The following RSRC1 variants were observed in gnomAD, a reference collection of about 807,000 sequenced individuals.
RSRC1 encodes the protein arginine and serine rich coiled-coil 1, also known as serine/Arginine-related protein 53.
Under a neutral mutation model 49.1 loss-of-function variants are expected in RSRC1, and 39 were observed. The observed-to-expected ratio is 0.79, with a 90% CI of 0.61 to 1.04. RSRC1 has a LOEUF of 1.04. RSRC1 is among the 50% of genes least tolerant of loss of function. RSRC1 has a pLI of 0.00. For missense variants in RSRC1, 388 were observed against 402.4 expected, an observed-to-expected ratio of 0.96 and a Z score of 0.31; for synonymous variants, 143 against 130.8, an observed-to-expected ratio of 1.09 and a Z score of -0.63.
At chr3:158,278,938 T>A (rs827098) in intron 4 of RSRC1, among the ~76,000 whole-genome samples, 72,428 of 152,044 alleles carry the variant, frequency 0.48, 17,813 homozygotes, top group East Asian at 0.64. Context: ...ATATTATTTT[T>A]AAAAATCAAC....
At chr3:158,160,820 A>G (rs1718169900) in intron 3 of RSRC1, among the ~76,000 whole-genome samples, 1 of 152,180 alleles carries the variant, frequency 6.6e-6, no homozygotes, top group Admixed American at 6.6e-5. Flanking sequence ...TTGTGGAATT[A>G]TGTTATCATC....
At chr3:158,489,324 G>A (rs1445314379) in intron 7 of RSRC1, among the ~76,000 whole-genome samples, 2 of 152,276 alleles carry the variant, frequency 1.3e-5, no homozygotes, top group East Asian at 1.9e-4. Context: ...ATGCAAGCAG[G>A]TTCTTCCAAG....
intron 5 of RSRC1, among the ~76,000 whole-genome samples, chr3:158,345,966 A>G (rs1730532983): frequency 6.6e-6 from 1 of 151,948 alleles, no homozygotes; most frequent in South Asian, 2.1e-4. Flanking sequence ...AGCCATATAT[A>G]GTACCCAAAT....
intron 6 of RSRC1, among the ~76,000 whole-genome samples, chr3:158,444,819 C>A (rs1329767050): frequency 1.3e-5 from 2 of 152,056 alleles, no homozygotes; most frequent in East Asian, 3.9e-4. Flanking sequence ...AAGAAAAAAA[C>A]AACCCCATCA....
chr3:158,208,327 G>A (rs1721461741), intron 4 of RSRC1, among the ~76,000 whole-genome samples: 1 of 151,970 alleles, frequency 6.6e-6, no homozygotes, highest in African/African-American at 2.4e-5. Flanking sequence ...AGTAAAGAAT[G>A]GCTACTCCGT....
At chr3:158,187,904 A>G (rs1237880291) in intron 3 of RSRC1, among the ~76,000 whole-genome samples, 2 of 151,988 alleles carry the variant, frequency 1.3e-5, no homozygotes, top group Non-Finnish European at 2.9e-5. Flanking sequence ...GGTGAGTTTC[A>G]AATAACAGAT....
intron 7 of RSRC1, chr3:158,496,909 G>A (rs1222034018): frequency 6.4e-5 from 13 of 202,436 alleles, no homozygotes; most frequent in Admixed American, 3.6e-4. Context: ...TGTCATTGAC[G>A]AGTACTTCAG....
At chr3:158,118,931 A>G (rs1715058767) in intron 1 of RSRC1, among the ~76,000 whole-genome samples, 1 of 152,194 alleles carries the variant, frequency 6.6e-6, no homozygotes, top group Non-Finnish European at 1.5e-5. Flanking sequence ...CCTCTTGAGG[A>G]TAGCACACAG....
intron 6 of RSRC1, among the ~76,000 whole-genome samples, chr3:158,395,164 A>G (rs1368763242): frequency 6.6e-6 from 1 of 152,076 alleles, no homozygotes; most frequent in Non-Finnish European, 1.5e-5. Context: ...TCCTTAGAAC[A>G]TATACAAAGA....
chr3:158,119,757 G>A (rs1197909261), intron 1 of RSRC1, among the ~76,000 whole-genome samples: 9 of 150,694 alleles, frequency 6.0e-5, no homozygotes, highest in Non-Finnish European at 1.0e-4. Context: ...ATATACATCT[G>A]AATTATGTTT....
intron 3 of RSRC1, among the ~76,000 whole-genome samples, chr3:158,181,707 T>A (rs527518657): frequency 1.3e-5 from 2 of 152,200 alleles, no homozygotes; most frequent in Non-Finnish European, 2.9e-5. Flanking sequence ...AAAATGACAT[T>A]AGTTTCTAAT....
intron 6 of RSRC1, among the ~76,000 whole-genome samples, chr3:158,418,604 G>A (rs1734875244): frequency 6.6e-6 from 1 of 151,848 alleles, no homozygotes; most frequent in Admixed American, 6.6e-5. Context: ...CTCCTAGATA[G>A]CTAGCCCTTT....
chr3:158,213,241 A>G (rs1304743388), intron 4 of RSRC1, among the ~76,000 whole-genome samples: 1 of 151,956 alleles, frequency 6.6e-6, no homozygotes, highest in African/African-American at 2.4e-5. Context: ...GGAATAACAT[A>G]TGTCTCTTTG....
At chr3:158,463,050 A>G (rs900923421) in intron 7 of RSRC1, among the ~76,000 whole-genome samples, 1 of 152,010 alleles carries the variant, frequency 6.6e-6, no homozygotes, top group Non-Finnish European at 1.5e-5. Context: ...TAAATCAATG[A>G]CCAATTTCCC....
chr3:158,328,894 C>T (rs1037798223), intron 5 of RSRC1, among the ~76,000 whole-genome samples: 4 of 152,212 alleles, frequency 2.6e-5, no homozygotes, highest in Admixed American at 6.5e-5. Context: ...TAGATTTTGT[C>T]TTTTCACATA....
chr3:158,350,178 A>AT (rs1294069975), intron 5 of RSRC1, among the ~76,000 whole-genome samples: 17,619 of 78,950 alleles, frequency 0.22, 1,141 homozygotes, highest in Admixed American at 0.31. Context: ...ATATATATAT[A>AT]ATTTTTTTTT....
intron 5 of RSRC1, among the ~76,000 whole-genome samples, chr3:158,322,143 G>A (rs1043707028): frequency 9.2e-5 from 14 of 152,108 alleles, no homozygotes; most frequent in African/African-American, 2.4e-4. Context: ...GCAGGTCCAC[G>A]AGCAATGAAC....
chr3:158,334,501 T>C (rs199738175), intron 5 of RSRC1, among the ~76,000 whole-genome samples: 1 of 127,844 alleles, frequency 7.8e-6, no homozygotes, highest in African/African-American at 3.0e-5. Flanking sequence ...TTTTTTTTTT[T>C]AAGATGGAGT....
intron 6 of RSRC1, among the ~76,000 whole-genome samples, chr3:158,408,586 A>T (rs1734270676): frequency 6.6e-6 from 1 of 152,254 alleles, no homozygotes; most frequent in South Asian, 2.1e-4. Flanking sequence ...GTAATCATTT[A>T]GAGTGAATTA....
Sources: allele counts gnomAD v4.1 joint callset (sites outside exome capture counted in the v4.1 genomes callset), GRCh38; gene constraint gnomAD v4.1.1; transcripts MANE v1.5; gene names NCBI Gene and HGNC (gene_info 2026-07-23, HGNC 2026-07-21).